UNC13A: variants seen among roughly 807,000 people sequenced by gnomAD.
UNC13A encodes the protein protein unc-13 homolog A.
In UNC13A, 61 loss-of-function variants were observed where a neutral mutation model predicts 219.7. The ratio of observed to expected loss-of-function variants is 0.28; its 90% CI spans 0.23 to 0.34. The LOEUF (loss-of-function observed/expected upper bound fraction) is 0.34, where lower values mean the gene tolerates loss of function less well. Ranked by LOEUF, UNC13A falls within the 10% of genes least tolerant of loss-of-function variation. The pLI is 1.00. For missense variants in UNC13A, 1,476 were observed against 2,270.3 expected, an observed-to-expected ratio of 0.65 and a Z score of 7.11; for synonymous variants, 920 against 884.6, an observed-to-expected ratio of 1.04 and a Z score of -0.71.
rs1291600555 is a variant in UNC13A at position 17,672,444 on chromosome 19, A to G, written c.204T>C (p.Gly68=). ...LGLTVEVWNK[G]LIWDTMVGTV... ...TGCCCACCATTGTGTCCCAGATGAG[A>G]CCCTTATTCCACACCTCCACCGTCA... Residue 68 remains glycine, a synonymous_variant, in exon 4 of 44, where the codon GGT becomes GGC. Coordinates refer to ENST00000519716, the MANE Select transcript of UNC13A (RefSeq NM_001080421.3). 3 of 1,613,658 alleles carry G rather than the reference A, an allele frequency of 1.9e-6. No homozygotes were observed. Among genetic ancestry groups the G allele is most frequent in the African/African-American group, 1.3e-5 (1 of 74,856 alleles).
rs140905720 is a variant in UNC13A, at chr19:17,660,253, T to C, written c.560-1984A>G. Among the ~76,000 whole-genome samples, 125 of 151,558 alleles carry C rather than the reference T, an allele frequency of 8.2e-4. No individual in the cohort carries two copies. The East Asian group carries it at 0.015, about 18-fold the overall frequency. ...CCGGGCTGAGATGTTTCCAGCCAAATTGCATGAGGCTGTGCACATGTTTAC... is the reference window on the plus strand; with the variant it reads ...CCGGGCTGAGATGTTTCCAGCCAAACTGCATGAGGCTGTGCACATGTTTAC... On this transcript the variant is annotated intron_variant, in intron 8 of 43. Transcript: ENST00000519716.
rs573119988 is a variant in UNC13A, at chr19:17,674,782, C to T, written c.53-26G>A. On this transcript the variant is annotated intron_variant, in intron 2 of 43. Transcript: ENST00000519716. This position sits in a 1 kb window ranked among gnomAD's most constrained non-coding sequence, Gnocchi z 5.0. ...CTGTGGCAGTGAGAGTAGGGGTCAG[C>T]GCTGGGGCTCAGGGACTCTCCAATG... The T allele has an allele frequency of 5.0e-6, 8 of 1,593,066 alleles. No individual in the cohort carries two copies. The highest frequency in any genetic ancestry group is 2.7e-5 in the African/African-American group (2 of 74,540).
At chr19:17,630,992 T>G (rs1490397289) in intron 28 of UNC13A, among the ~76,000 whole-genome samples, 1 of 152,084 alleles carries the variant, frequency 6.6e-6, no homozygotes, top group Admixed American at 6.5e-5. Context: ...GAATCCTAGT[T>G]CAGATAAGCT....
chr19:17,617,707 G>A lies in UNC13A; in HGVS notation c.4553C>T (p.Ala1518Val), dbSNP rs2076682512. 6.2e-7 allele frequency: 1 copy of A among 1,613,622 alleles called. No homozygotes were observed. Among genetic ancestry groups the A allele is most frequent in the Non-Finnish European group, 8.5e-7 (1 of 1,179,562 alleles). Residue 1518 changes from alanine (A) to valine (V), a missense_variant, in exon 41 of 44, where the codon GCC becomes GTC. Physicochemically the swap from Ala to Val is moderately conservative, Grantham distance 64. Around this residue, in one of 14 missense-constraint regions of UNC13A, gnomAD observed 77 missense variants for 94.8 expected, o/e 0.81. Transcript: ENST00000519716. The stretch of plus-strand genomic sequence containing the variant: ...TGCGGTCTGGGTACCCTTACCCTGG[G>A]CCGATTGCGTCTGTACAAAGGTCTT... The part of the protein sequence containing the change: ...LIKTFVQTQS[A>V]QGLGVEDPVG...
intron 41 of UNC13A, chr19:17,613,893 T>A (rs1350220912): frequency 6.7e-6 from 1 of 150,162 alleles, no homozygotes; most frequent in African/African-American, 2.5e-5. Context: ...TTTTTGTAGT[T>A]TTGAGACGGG....
Position 17,642,790 on chromosome 19 carries a change from C to G in UNC13A, c.2472+55G>C, listed in dbSNP as rs948608807. The G allele has an allele frequency of 6.2e-6, 9 of 1,441,958 alleles. No individual in the cohort carries two copies. In the Admixed American group the frequency reaches 1.4e-4, roughly 22 times the overall value. 89.3% of individuals were successfully genotyped at this position (1,441,958 alleles called of 1,614,324 possible). On this transcript the variant is annotated intron_variant, in intron 20 of 43. Transcript: ENST00000519716. ...GTGGCCAGAAAGAGGAAGAGCTGGGCAGGCAGGAATGGTGAGTGGAAGTGG... is the reference window on the plus strand; with the variant it reads ...GTGGCCAGAAAGAGGAAGAGCTGGGGAGGCAGGAATGGTGAGTGGAAGTGG...
Position 17,688,323 on chromosome 19 carries a change from G to T in UNC13A, c.-124C>A. 1 of 1,320,574 alleles carries T rather than the reference G, an allele frequency of 7.6e-7. No homozygotes were observed. Among genetic ancestry groups the T allele is most frequent in the Non-Finnish European group, 9.7e-7 (1 of 1,035,136 alleles). The allele number at this position is 1,320,574 out of a possible 1,614,324, so 81.8% of individuals were successfully genotyped here. On this transcript the variant is annotated 5_prime_UTR_variant, in exon 1 of 44. Coordinates refer to ENST00000519716, the MANE Select transcript of UNC13A (RefSeq NM_001080421.3). ...GCTTGGCTCACGCCGGGGCCCGGCCGCCACCGGCCATCTTGGTTCAGCACC... is the reference window on the plus strand; with the variant it reads ...GCTTGGCTCACGCCGGGGCCCGGCCTCCACCGGCCATCTTGGTTCAGCACC...
intron 1 of UNC13A, among the ~76,000 whole-genome samples, chr19:17,678,392 T>G (rs770488482): frequency 6.6e-6 from 1 of 152,038 alleles, no homozygotes. Context: ...GGCAGGAGAA[T>G]CCCTTTAACC....
intron 35 of UNC13A, 149 bp downstream of exon 35, chr19:17,624,680 C>A: frequency 8.3e-7 from 1 of 1,204,466 alleles, no homozygotes; most frequent in South Asian, 1.8e-5. Context: ...CTGGTGGCTT[C>A]CATGACCCTT....
At chr19:17,629,152 C>T in intron 31 of UNC13A, 88 bp downstream of exon 31, 1 of 1,155,434 alleles carries the variant, frequency 8.7e-7, no homozygotes, top group Non-Finnish European at 1.3e-6. Flanking sequence ...TACATAGCCC[C>T]AGGTGTCAGG....
intron 43 of UNC13A, among the ~76,000 whole-genome samples, chr19:17,607,582 G>A (rs2076547274): frequency 7.1e-6 from 1 of 141,292 alleles, no homozygotes; most frequent in African/African-American, 2.7e-5. Context: ...CTGGCCCATA[G>A]TTTTTTGTTT....
At position 17,606,282 on chromosome 19, in the gene UNC13A, G is replaced by A; in HGVS notation, c.4884C>T (p.Arg1628=). The A allele has an allele frequency of 1.3e-6, 2 of 1,548,606 alleles. No homozygotes were observed. The highest frequency in any genetic ancestry group is 1.7e-6 in the Non-Finnish European group (2 of 1,146,846). Residue 1628 remains arginine (R), a synonymous_variant, in exon 44 of 44, where the codon CGC becomes CGT. Coordinates refer to ENST00000519716, the MANE Select transcript of UNC13A (RefSeq NM_001080421.3). ...QVCVKDYCFA[R]EDRTVGLAVL... Reference sequence around the variant, plus strand: ...CGGCCAGCCCCACCGTGCGGTCCTCGCGCGCGAAGCAGTAGTCCTTGACGC... The same window carrying A: ...CGGCCAGCCCCACCGTGCGGTCCTCACGCGCGAAGCAGTAGTCCTTGACGC...
At chr19:17,687,918 C>T (rs988943621) in intron 1 of UNC13A, among the ~76,000 whole-genome samples, 50 of 150,494 alleles carry the variant, frequency 3.3e-4, no homozygotes, top group African/African-American at 1.1e-3. Flanking sequence ...TACCCGTCCA[C>T]GTCCACACGG....
chr19:17,651,812 C>T (rs1245526954), intron 12 of UNC13A, among the ~76,000 whole-genome samples: 1 of 152,152 alleles, frequency 6.6e-6, no homozygotes, highest in African/African-American at 2.4e-5. Context: ...TGCTGTCTCC[C>T]TGCCTGTTTG....
In UNC13A at chr19:17,605,968, G is replaced by T. The variant is rs1456924915; in HGVS notation, c.*86C>A. The T allele has an allele frequency of 1.6e-6, 2 of 1,270,130 alleles. No individual in the cohort carries two copies. The highest frequency in any genetic ancestry group is 6.3e-5 in the East Asian group (2 of 31,598). 78.7% of individuals were successfully genotyped at this position (1,270,130 alleles called of 1,614,324 possible). ...TGGAGCCCCCCGAGCCCCGCCCCTG[G>T]GGAGGTCCCACCAAGGCGCAAGCCC... On this transcript the variant is annotated 3_prime_UTR_variant, in exon 44 of 44. Coordinates refer to ENST00000519716, the MANE Select transcript of UNC13A (RefSeq NM_001080421.3).
intron 41 of UNC13A, chr19:17,616,461 T>C (rs763826497): frequency 3.6e-5 from 17 of 469,234 alleles, no homozygotes; most frequent in South Asian, 2.7e-4. Flanking sequence ...TTTTCCACCA[T>C]GGACTAATTG....
At position 17,606,066 on chromosome 19, in the gene UNC13A, C is replaced by CT; in HGVS notation, c.5099_5100insA (p.Pro1701AlafsTer86). ...CCGACCGCCCGCGCTAAGGCGCAGG[C>CT]GCGGCACCGCCCTCCTCGGCGGAGC... On this transcript the variant is annotated frameshift_variant, in exon 44 of 44. Coordinates refer to ENST00000519716, the MANE Select transcript of UNC13A (RefSeq NM_001080421.3). LOFTEE classifies it high-confidence loss of function. 1 of 1,569,324 alleles carries CT rather than the reference C, an allele frequency of 6.4e-7. No homozygotes were observed.
At chr19:17,663,497 T>A in intron 8 of UNC13A, 35 bp downstream of exon 8, 1 of 1,610,968 alleles carries the variant, frequency 6.2e-7, no homozygotes, top group African/African-American at 1.3e-5. Context: ...CCTTCCCATG[T>A]AACTCCCAGA....
intron 1 of UNC13A, among the ~76,000 whole-genome samples, chr19:17,679,617 A>G (rs1049050721): frequency 2.6e-5 from 4 of 152,034 alleles, no homozygotes; most frequent in African/African-American, 4.8e-5. Flanking sequence ...AGCTCCTCCA[A>G]CTGTGCCCTG....
Sources: gnomAD v4.1 joint callset for allele counts (sites outside exome capture counted in the v4.1 genomes callset) on GRCh38, gnomAD v4.1.1 for gene constraint, gnomAD v4.1.1 regional missense constraint, Gnocchi (gnomAD v3.1) non-coding constraint, MANE v1.5 for transcripts, NCBI Gene and HGNC (gene_info 2026-07-23, HGNC 2026-07-21) for gene names.